Variants in CACNA2D3 observed in about 807,000 individuals in gnomAD.
CACNA2D3 encodes the protein calcium voltage-gated channel auxiliary subunit alpha2delta 3, also known as voltage-dependent calcium channel subunit alpha-2/delta-3.
In CACNA2D3, 60 loss-of-function variants were observed where a neutral mutation model predicts 160.6. That is an observed-to-expected ratio of 0.37 (90% CI 0.30 to 0.46). CACNA2D3 has a LOEUF of 0.46. CACNA2D3 is among the 20% of genes least tolerant of loss of function. CACNA2D3 has a pLI of 1.00. For missense variants in CACNA2D3, 1,205 were observed against 1,365.0 expected, an observed-to-expected ratio of 0.88 and a Z score of 1.85; for synonymous variants, 558 against 492.9, an observed-to-expected ratio of 1.13 and a Z score of -1.75.
chr3:54,841,376 G>C (rs1232725843), intron 16 of CACNA2D3, among the ~76,000 whole-genome samples: 1 of 152,186 alleles, frequency 6.6e-6, no homozygotes, highest in East Asian at 1.9e-4. Context: ...TGCTTGAAAT[G>C]CAGGCATGTG....
intron 2 of CACNA2D3, among the ~76,000 whole-genome samples, chr3:54,140,353 A>G (rs1699900653): frequency 6.6e-6 from 1 of 152,208 alleles, no homozygotes; most frequent in Non-Finnish European, 1.5e-5. Context: ...ATGCAAAAAC[A>G]CTGTAGGTTC....
intron 16 of CACNA2D3, among the ~76,000 whole-genome samples, chr3:54,841,530 G>A (rs1162032604): frequency 6.6e-6 from 1 of 152,156 alleles, no homozygotes. Context: ...TGGCCAAATG[G>A]GCCCCTCTCA....
rs1048936952 is a variant in CACNA2D3, at chr3:54,851,821, T to A, written c.1626+5354T>A. The stretch of plus-strand genomic sequence containing the variant: ...CAATATATAATCAATGCAGACATTA[T>A]TAATGTGATATTTTACATTCTTTTC... On this transcript the variant is annotated intron_variant, in intron 17 of 37. Coordinates refer to ENST00000474759, the MANE Select transcript of CACNA2D3 (RefSeq NM_018398.3). Among the ~76,000 whole-genome samples, 5 of 152,272 alleles carry A rather than the reference T, an allele frequency of 3.3e-5. No individual in the cohort carries two copies. The South Asian group carries it at 1.0e-3, about 32-fold the overall frequency.
chr3:54,428,372 T>C (rs1041912655), intron 4 of CACNA2D3, among the ~76,000 whole-genome samples: 2 of 152,214 alleles, frequency 1.3e-5, no homozygotes, highest in Non-Finnish European at 2.9e-5. Flanking sequence ...TATTTTTTTC[T>C]GCAAACAATA....
intron 2 of CACNA2D3, among the ~76,000 whole-genome samples, chr3:54,241,382 A>G (rs1701971395): frequency 6.6e-6 from 1 of 152,144 alleles, no homozygotes; most frequent in African/African-American, 2.4e-5. Flanking sequence ...TACCTCTATT[A>G]TAGAAGAGAA....
At chr3:54,609,034 C>G (rs1268749802) in intron 9 of CACNA2D3, among the ~76,000 whole-genome samples, 3 of 152,128 alleles carry the variant, frequency 2.0e-5, no homozygotes, top group Non-Finnish European at 2.9e-5. Context: ...GAATCATGTC[C>G]CCCCAACAAC....
chr3:55,027,026 CAG>C (rs534602561), intron 35 of CACNA2D3, among the ~76,000 whole-genome samples: 128 of 152,276 alleles, frequency 8.4e-4, no homozygotes, highest in African/African-American at 3.0e-3. Context: ...CTGGTCCTAA[CAG>C]AGCAAACAAC....
chr3:54,739,114 G>T (rs1238691561), intron 11 of CACNA2D3, among the ~76,000 whole-genome samples: 1 of 151,742 alleles, frequency 6.6e-6, no homozygotes, highest in African/African-American at 2.4e-5. Context: ...CTAGGTGACA[G>T]ACTGTCTCAA....
At chr3:54,268,142 G>T (rs1316564653) in intron 2 of CACNA2D3, among the ~76,000 whole-genome samples, 1 of 152,158 alleles carries the variant, frequency 6.6e-6, no homozygotes, top group Non-Finnish European at 1.5e-5. Context: ...ATGGAAATTT[G>T]AAAAAGAGGT....
chr3:54,143,122 GCAA>G (rs1699967646), intron 2 of CACNA2D3, among the ~76,000 whole-genome samples: 1 of 152,234 alleles, frequency 6.6e-6, no homozygotes, highest in Non-Finnish European at 1.5e-5. Flanking sequence ...GGTTATACCA[GCAA>G]CAACTGCTTG....
chr3:54,302,430 A>G (rs1275831147), intron 2 of CACNA2D3, among the ~76,000 whole-genome samples: 4 of 152,110 alleles, frequency 2.6e-5, no homozygotes, highest in Non-Finnish European at 4.4e-5. Flanking sequence ...TTTTCAGGTG[A>G]ATGAGTTACA....
intron 2 of CACNA2D3, among the ~76,000 whole-genome samples, chr3:54,246,970 A>G (rs1702093153): frequency 6.6e-6 from 1 of 152,202 alleles, no homozygotes; most frequent in African/African-American, 2.4e-5. Flanking sequence ...GCAGACTAAC[A>G]TCTCTACATC....
At chr3:54,974,857 G>A (rs1702350706) in intron 29 of CACNA2D3, among the ~76,000 whole-genome samples, 1 of 152,174 alleles carries the variant, frequency 6.6e-6, no homozygotes, top group African/African-American at 2.4e-5. Flanking sequence ...GTGACAGATA[G>A]ACATCTTCTA....
In CACNA2D3 at chr3:55,018,334, C is replaced by T. The variant is rs984133767; in HGVS notation, c.2987+17C>T. On this transcript the variant is annotated intron_variant, in intron 35 of 37. Transcript: ENST00000474759. Reference sequence around the variant, plus strand: ...CTGCTCCAAGTAAGCCATCCCCCCACCCTCTAACCCCCTACACCTTTCTGC... The same window carrying T: ...CTGCTCCAAGTAAGCCATCCCCCCATCCTCTAACCCCCTACACCTTTCTGC... 2.1e-6 allele frequency: 3 copies of T among 1,438,422 alleles called. No homozygotes were observed. Among genetic ancestry groups the T allele is most frequent in the Non-Finnish European group, 2.9e-6 (3 of 1,023,710 alleles). 89.1% of individuals were successfully genotyped at this position (1,438,422 alleles called of 1,614,324 possible).
At chr3:54,177,139 G>T (rs1411546856) in intron 2 of CACNA2D3, among the ~76,000 whole-genome samples, 1 of 152,184 alleles carries the variant, frequency 6.6e-6, no homozygotes, top group Non-Finnish European at 1.5e-5. Flanking sequence ...TAAATCCATT[G>T]TATCTGCTCC....
chr3:54,255,562 T>G (rs965504577), intron 2 of CACNA2D3, among the ~76,000 whole-genome samples: 1 of 152,190 alleles, frequency 6.6e-6, no homozygotes, highest in African/African-American at 2.4e-5. Context: ...TCTTTCACAA[T>G]TCCTGGGCTA....
At chr3:54,239,475 C>A (rs962040449) in intron 2 of CACNA2D3, among the ~76,000 whole-genome samples, 2 of 152,214 alleles carry the variant, frequency 1.3e-5, no homozygotes, top group African/African-American at 4.8e-5. Context: ...AACACTGACG[C>A]AGCTCAAGAT....
chr3:54,123,067 G>C (rs960883376), intron 1 of CACNA2D3, among the ~76,000 whole-genome samples: 1 of 152,152 alleles, frequency 6.6e-6, no homozygotes, highest in Non-Finnish European at 1.5e-5. Flanking sequence ...CTCAAGTGAC[G>C]GCACCAACTT....
At chr3:54,896,693 G>A in intron 25 of CACNA2D3, 56 bp from the exon 26 acceptor site, 1 of 1,611,716 alleles carries the variant, frequency 6.2e-7, no homozygotes. Flanking sequence ...GGTGCTCCAG[G>A]CCCACCTTTA....
Sources: allele counts gnomAD v4.1 joint callset (sites outside exome capture counted in the v4.1 genomes callset), GRCh38; gene constraint gnomAD v4.1.1; transcripts MANE v1.5; gene names NCBI Gene and HGNC (gene_info 2026-07-23, HGNC 2026-07-21).